RPH3A: variants seen among roughly 807,000 people sequenced by gnomAD.
The protein encoded by RPH3A is rabphilin 3A.
RPH3A carries 48 observed loss-of-function variants against 102.2 expected under a neutral mutation model. That is an observed-to-expected ratio of 0.47 (90% CI 0.37 to 0.60). The LOEUF (loss-of-function observed/expected upper bound fraction) is 0.60. RPH3A is among the 20% of genes least tolerant of loss of function. The pLI, the probability that RPH3A is intolerant of heterozygous loss-of-function variation, is 0.00. For synonymous variants in RPH3A, 310 were observed against 324.3 expected, an observed-to-expected ratio of 0.96 and a Z score of 0.47; for missense variants, 781 against 910.1, an observed-to-expected ratio of 0.86 and a Z score of 1.83.
intron 4 of RPH3A, among the ~76,000 whole-genome samples, chr12:112,843,566 G>C (rs1265900895): frequency 6.6e-6 from 1 of 152,212 alleles, no homozygotes; most frequent in Non-Finnish European, 1.5e-5. Flanking sequence ...CCTGTGCACA[G>C]TAACACCGGC....
In RPH3A at chr12:112,800,889, G is replaced by A. The variant is rs3782878; in HGVS notation, c.-19+8626G>A. Among the ~76,000 whole-genome samples the A allele has an allele frequency of 5.7e-3, 868 of 152,284 alleles. 6 individuals carry two copies. The highest frequency in any genetic ancestry group is 0.01 in the Middle Eastern group (3 of 294). On this transcript the variant is annotated intron_variant, in intron 2 of 21. Transcript: ENST00000389385. ...CAGCAGTGTGTGCAGAGTCAAGGCC[G>A]TTCAGGGAGCTCTGCAAATGCCCGT...
chr12:112,650,229 C>A (rs539799195), intron 1 of RPH3A, among the ~76,000 whole-genome samples: 126 of 152,280 alleles, frequency 8.3e-4, no homozygotes, highest in African/African-American at 2.9e-3. Flanking sequence ...CTAATTTTAT[C>A]CCCGTTCTGT....
At chr12:112,752,574 C>T (rs1020980131) in intron 1 of RPH3A, among the ~76,000 whole-genome samples, 40 of 146,886 alleles carry the variant, frequency 2.7e-4, no homozygotes, top group East Asian at 9.9e-4. Context: ...AGAAATATTA[C>T]GTTATATGAG....
intron 1 of RPH3A, among the ~76,000 whole-genome samples, chr12:112,733,280 T>C (rs905401435): frequency 3.3e-5 from 5 of 152,164 alleles, no homozygotes; most frequent in Non-Finnish European, 7.3e-5. Flanking sequence ...CACATTCCTG[T>C]GCATATACAC....
intron 3 of RPH3A, 92 bp from the exon 4 acceptor site, chr12:112,836,399 G>C: frequency 1.6e-6 from 1 of 631,818 alleles, no homozygotes. Context: ...CAAGCTACGT[G>C]AGTGTTGCAT....
chr12:112,689,586 TTG>T (rs1370161089), intron 1 of RPH3A, among the ~76,000 whole-genome samples: 2 of 152,220 alleles, frequency 1.3e-5, no homozygotes, highest in Non-Finnish European at 2.9e-5. Context: ...AGCTGGAAAC[TTG>T]TGTTAATTTG....
At chr12:112,746,327 G>A (rs1336690955) in intron 1 of RPH3A, among the ~76,000 whole-genome samples, 1 of 152,098 alleles carries the variant, frequency 6.6e-6, no homozygotes, top group African/African-American at 2.4e-5. Context: ...AATGTCAGAG[G>A]AGGGACGTAC....
chr12:112,598,151 G>A (rs1045658083), intron 1 of RPH3A, among the ~76,000 whole-genome samples: 10 of 152,178 alleles, frequency 6.6e-5, no homozygotes, highest in African/African-American at 2.4e-4. Flanking sequence ...AGGCTGGGTT[G>A]AACATACTGC....
At chr12:112,895,156 G>A (rs2043158919) in intron 20 of RPH3A, among the ~76,000 whole-genome samples, 1 of 152,152 alleles carries the variant, frequency 6.6e-6, no homozygotes. Flanking sequence ...AGGCTGGAGT[G>A]CAGTGGCGTG....
chr12:112,876,758 C>A lies in RPH3A; in HGVS notation c.1063C>A (p.Pro355Thr). Residue 355 changes from proline (P) to threonine (T), a missense_variant, in exon 13 of 22, where the codon CCC becomes ACC. Physicochemically the swap from Pro to Thr is conservative, Grantham distance 38. This residue lies in a region of RPH3A where 730 missense variants were observed against 810.0 expected (regional missense o/e 0.90). Coordinates refer to ENST00000389385, the MANE Select transcript of RPH3A (RefSeq NM_001143854.2). ...GGACCGAATGAGCCACCCCTCCGGACCCTATTCCCAAGCATCTGCAGCTGC... is the reference window on the plus strand; with the variant it reads ...GGACCGAATGAGCCACCCCTCCGGAACCTATTCCCAAGCATCTGCAGCTGC... Reference protein sequence around the residue: ...REDRMSHPSGPYSQASAAAPQ... With the variant: ...REDRMSHPSGTYSQASAAAPQ... 1 of 1,613,164 alleles carries A rather than the reference C, an allele frequency of 6.2e-7. No homozygotes were observed. The highest frequency in any genetic ancestry group is 1.3e-5 in the African/African-American group (1 of 74,960).
At chr12:112,765,838 G>A (rs953953282) in intron 1 of RPH3A, among the ~76,000 whole-genome samples, 6 of 152,192 alleles carry the variant, frequency 3.9e-5, no homozygotes, top group African/African-American at 1.4e-4. Flanking sequence ...CCAAGGAGCA[G>A]CGGCCCATTC....
intron 1 of RPH3A, among the ~76,000 whole-genome samples, chr12:112,616,061 A>T (rs886888972): frequency 6.6e-6 from 1 of 152,124 alleles, no homozygotes; most frequent in African/African-American, 2.4e-5. Flanking sequence ...TCTTTTCTCC[A>T]GTCAAAACAT....
At chr12:112,615,227 G>T (rs2039669484) in intron 1 of RPH3A, among the ~76,000 whole-genome samples, 1 of 152,130 alleles carries the variant, frequency 6.6e-6, no homozygotes, top group Admixed American at 6.5e-5. Context: ...TTTTCTGTTA[G>T]AAGCTTTGTT....
intron 1 of RPH3A, among the ~76,000 whole-genome samples, chr12:112,731,593 T>C (rs907134503): frequency 1.4e-4 from 22 of 152,352 alleles, no homozygotes; most frequent in African/African-American, 5.1e-4. Flanking sequence ...ATCTGCTCTG[T>C]TAAAGAGGCC....
At chr12:112,590,141 A>G (rs1186652543) in intron 1 of RPH3A, among the ~76,000 whole-genome samples, 1 of 151,954 alleles carries the variant, frequency 6.6e-6, no homozygotes, top group East Asian at 1.9e-4. Context: ...GACTGCTTGC[A>G]TCATAGACTT....
At chr12:112,879,878 C>T (rs2042877106) in intron 14 of RPH3A, among the ~76,000 whole-genome samples, 1 of 152,202 alleles carries the variant, frequency 6.6e-6, no homozygotes, top group African/African-American at 2.4e-5. Flanking sequence ...CCATTCCTAG[C>T]TGTGTGACTT....
At position 112,617,940 on chromosome 12, in the gene RPH3A, G is replaced by A. The variant is rs565965202; in HGVS notation, c.-140+42621G>A. The A allele has an allele frequency of 2.0e-5, 3 of 152,368 alleles. No individual in the cohort carries two copies. In the East Asian group the frequency reaches 5.8e-4, roughly 29 times the overall value. The allele number at this position is 152,368 out of a possible 1,614,324, so 9.4% of individuals were successfully genotyped here. ...TGATAAATCTAAATAAGGCAGAAGAGTGTAAAGGAAACACAAATCTTCTCC... is the reference window on the plus strand; with the variant it reads ...TGATAAATCTAAATAAGGCAGAAGAATGTAAAGGAAACACAAATCTTCTCC... On this transcript the variant is annotated intron_variant, in intron 1 of 21. Coordinates refer to the RPH3A transcript ENST00000543106.
chr12:112,832,661 G>A (rs1012174048), intron 3 of RPH3A, among the ~76,000 whole-genome samples: 2 of 152,154 alleles, frequency 1.3e-5, no homozygotes, highest in African/African-American at 4.8e-5. Flanking sequence ...GGCCAACACA[G>A]TGAGACTCCA....
chr12:112,643,584 C>T (rs952017702), intron 1 of RPH3A, among the ~76,000 whole-genome samples: 1 of 152,264 alleles, frequency 6.6e-6, no homozygotes, highest in Non-Finnish European at 1.5e-5. Flanking sequence ...TCACTTTCAT[C>T]TCAGTGTAAA....
Sources: allele counts gnomAD v4.1 joint callset (sites outside exome capture counted in the v4.1 genomes callset), GRCh38; gene constraint gnomAD v4.1.1; regional missense constraint gnomAD v4.1.1; transcripts MANE v1.5; gene names NCBI Gene and HGNC (gene_info 2026-07-23, HGNC 2026-07-21).